The following ELFN1 variants were observed in gnomAD, a reference collection of about 807,000 sequenced individuals.
ELFN1 encodes extracellular leucine rich repeat and fibronectin type III domain containing 1, also known as protein ELFN1.
Under a neutral mutation model 7.6 loss-of-function variants are expected in ELFN1, and 6 were observed. That is an observed-to-expected ratio of 0.79 (90% CI 0.43 to 1.56). ELFN1 has a LOEUF of 1.56. Ranked by LOEUF, ELFN1 falls within the 40% of genes most tolerant of loss-of-function variation. The pLI is 0.01. For synonymous variants in ELFN1, 657 were observed against 588.1 expected (o/e 1.12, Z -1.70); for missense variants, 1,169 against 1,232.2 (o/e 0.95, Z 0.77).
intron 3 of ELFN1, among the ~76,000 whole-genome samples, chr7:1,737,509 G>A (rs969727313): frequency 1.3e-5 from 2 of 152,148 alleles, no homozygotes; most frequent in South Asian, 2.1e-4. Flanking sequence ...GAAGCCACTC[G>A]CCCTCCACCC....
At chr7:1,734,843 G>T (rs549136798) in intron 3 of ELFN1, among the ~76,000 whole-genome samples, 1 of 151,910 alleles carries the variant, frequency 6.6e-6, no homozygotes, top group Non-Finnish European at 1.5e-5. Context: ...GATCACAGGC[G>T]CACGCCACCA....
In ELFN1 at chr7:1,746,239, GCC is replaced by G; in HGVS notation, c.1644_1645del (p.Ser548ArgfsTer441). ...GAGCTGGGCCGGCCGGGCCCCGACAGCCAGAGTTCGGTGGCCGAGATCTCCAC... is the reference window on the plus strand; with the variant it reads ...GAGCTGGGCCGGCCGGGCCCCGACAGAGAGTTCGGTGGCCGAGATCTCCAC... On this transcript the variant is annotated frameshift_variant, in exon 4 of 4. Transcript: ENST00000424383. LOFTEE classifies it low-confidence loss of function (END_TRUNC). 6.9e-7 allele frequency: 1 copy of G among 1,440,034 alleles called. No homozygotes were observed. Among genetic ancestry groups the G allele is most frequent in the South Asian group, 1.5e-5 (1 of 68,228 alleles). 89.2% of individuals were successfully genotyped at this position (1,440,034 alleles called of 1,614,324 possible).
intron 2 of ELFN1, among the ~76,000 whole-genome samples, chr7:1,702,433 A>G (rs890376826): frequency 7.3e-5 from 11 of 150,802 alleles, no homozygotes; most frequent in South Asian, 2.1e-4. Context: ...GGGGGAAAAA[A>G]AAAAAGAAGA....
intron 3 of ELFN1, among the ~76,000 whole-genome samples, chr7:1,713,097 C>T (rs1779712097): frequency 6.6e-6 from 1 of 152,234 alleles, no homozygotes; most frequent in Non-Finnish European, 1.5e-5. Context: ...GTTCAGGCTC[C>T]TCCAGGCTCA....
At chr7:1,692,863 G>C (rs1779200043) in intron 2 of ELFN1, 1 of 176,656 alleles carries the variant, frequency 5.7e-6, no homozygotes. Context: ...TGGAATCAAA[G>C]GAGAGAAAGT....
chr7:1,713,495 TC>T (rs1779727755), intron 3 of ELFN1, among the ~76,000 whole-genome samples: 1 of 152,010 alleles, frequency 6.6e-6, no homozygotes, highest in South Asian at 2.1e-4. Flanking sequence ...CCCCTCCACT[TC>T]CTGTGTTCAA....
At chr7:1,701,092 C>T (rs116908709) in intron 2 of ELFN1, among the ~76,000 whole-genome samples, 2,842 of 149,924 alleles carry the variant, frequency 0.019, 45 homozygotes, top group Middle Eastern at 0.058. Flanking sequence ...TGTGTGTGCG[C>T]GTGTGTGTGC....
rs1186504027 is a variant in ELFN1 at position 1,745,529 on chromosome 7, G to A, written c.933G>A (p.Thr311=). 2.6e-6 allele frequency: 4 copies of A among 1,547,226 alleles called. No individual in the cohort carries two copies. The highest frequency in any genetic ancestry group is 1.4e-5 in the African/African-American group (1 of 73,176). ...TPLVALPTLA[T]QAEARPLIKV... is the part of the protein sequence containing the mutation. ...TGGTGGCCCTGCCCACGCTGGCCACGCAGGCCGAGGCCCGCCCCCTCATCA... is the reference window on the plus strand; with the variant it reads ...TGGTGGCCCTGCCCACGCTGGCCACACAGGCCGAGGCCCGCCCCCTCATCA... The change falls in exon 4 of 4, where the codon ACG becomes ACA. Residue 311 remains threonine, a synonymous_variant. Transcript: ENST00000424383.
chr7:1,710,197 T>G (rs556709885), intron 3 of ELFN1, among the ~76,000 whole-genome samples: 28 of 152,354 alleles, frequency 1.8e-4, no homozygotes, highest in African/African-American at 6.7e-4. Context: ...GTTGTATTCC[T>G]TATGTTCTGC....
At chr7:1,728,615 C>T (rs887819428) in intron 3 of ELFN1, among the ~76,000 whole-genome samples, 8 of 152,230 alleles carry the variant, frequency 5.3e-5, no homozygotes, top group South Asian at 4.1e-4. Flanking sequence ...CAAATCCCAC[C>T]GATGGCTTTT....
Position 1,746,848 on chromosome 7 carries a change from C to A in ELFN1, c.2252C>A (p.Ser751Ter). 6.5e-7 allele frequency: 1 copy of A among 1,537,650 alleles called. No homozygotes were observed. The highest frequency in any genetic ancestry group is 8.8e-7 in the Non-Finnish European group (1 of 1,141,144). ...TRPRPRDLAY[S>*]QLSPQYHSLS... ...CCGCGGCCCCGCGACCTCGCCTACT[C>A]GCAGCTGTCCCCGCAGTACCACAGC... Residue 751 changes from serine to a stop codon, truncating the protein, a stop_gained, in exon 4 of 4, where the codon TCG (serine) becomes TAG (stop). Coordinates refer to ENST00000424383, the MANE Select transcript of ELFN1 (RefSeq NM_001128636.4). LOFTEE classifies it high-confidence loss of function.
At chr7:1,700,716 T>C (rs1485761614) in intron 2 of ELFN1, among the ~76,000 whole-genome samples, 1 of 152,188 alleles carries the variant, frequency 6.6e-6, no homozygotes, top group Non-Finnish European at 1.5e-5. Context: ...CTTTGCACCC[T>C]CAGGACAGCG....
intron 1 of ELFN1, among the ~76,000 whole-genome samples, chr7:1,679,157 A>G (rs1416590699): frequency 4.6e-5 from 7 of 150,612 alleles, no homozygotes; most frequent in Non-Finnish European, 8.8e-5. Flanking sequence ...GCACACACAC[A>G]CGCGTGCACA....
rs1296071890 is a variant in ELFN1, at chr7:1,746,208, G to T, written c.1612G>T (p.Asp538Tyr). 2.6e-6 allele frequency: 4 copies of T among 1,555,068 alleles called. No homozygotes were observed. Among genetic ancestry groups the T allele is most frequent in the Non-Finnish European group, 1.7e-6 (2 of 1,150,700 alleles). The change falls in exon 4 of 4, where the codon GAC becomes TAC. Residue 538 changes from aspartate to tyrosine, a missense_variant. By Grantham distance (160) the Asp-to-Tyr change is radical. Around this residue, in one of 2 missense-constraint regions of ELFN1, gnomAD observed 914 missense variants for 872.6 expected, o/e 1.05. Transcript: ENST00000424383. ...VRTGDPPERRDCELGRPGPDS... is the reference protein window; with the variant it reads ...VRTGDPPERRYCELGRPGPDS... ...AACCGGGGACCCTCCGGAACGCAGG[G>T]ACTGTGAGCTGGGCCGGCCGGGCCC...
chr7:1,693,729 G>A (rs767068056), intron 2 of ELFN1: 7 of 470,818 alleles, frequency 1.5e-5, no homozygotes, highest in Admixed American at 4.7e-5. Context: ...CCTCCCGCTC[G>A]TCCCCATGGC....
chr7:1,706,678 C>T (rs1388628344), intron 2 of ELFN1, among the ~76,000 whole-genome samples: 1 of 152,200 alleles, frequency 6.6e-6, no homozygotes, highest in Non-Finnish European at 1.5e-5. Context: ...AATGCAAGGA[C>T]CACTGTGAGG....
rs1171973683 is a variant in ELFN1, at chr7:1,688,053, T to G, written c.-548-5T>G. Reference sequence around the variant, plus strand: ...CTAATTTTTTTTTTTTTTTTTTTTTTGTAGAGACAGAGTCTCCCTGTGTTG... The same window carrying G: ...CTAATTTTTTTTTTTTTTTTTTTTTGGTAGAGACAGAGTCTCCCTGTGTTG... On this transcript the variant is annotated splice_polypyrimidine_tract_variant and splice_region_variant and intron_variant, in intron 1 of 3. Transcript: ENST00000424383. The G allele has an allele frequency of 2.2e-5, 3 of 138,994 alleles. No homozygotes were observed. Among genetic ancestry groups the G allele is most frequent in the Non-Finnish European group, 3.1e-5 (2 of 65,298 alleles). 8.6% of individuals were successfully genotyped at this position (138,994 alleles called of 1,614,324 possible). A position where few individuals can be genotyped will look rare whatever the true frequency, so the allele number is the denominator to read the frequency against.
intron 2 of ELFN1, among the ~76,000 whole-genome samples, chr7:1,704,704 C>T (rs879629660): frequency 2.0e-5 from 3 of 152,074 alleles, no homozygotes; most frequent in Admixed American, 6.5e-5. Context: ...GTCACCCCTG[C>T]GAGGTCAGTG....
chr7:1,739,212 G>A lies in ELFN1; in HGVS notation c.-293-5092G>A, dbSNP rs890610275. On this transcript the variant is annotated intron_variant, in intron 3 of 3. Coordinates refer to ENST00000424383, the MANE Select transcript of ELFN1 (RefSeq NM_001128636.4). The surrounding 1 kb of genome is among the most constrained non-coding windows in gnomAD (Gnocchi z 4.6). ...GCGAGGCTCCCTCTGGCTGTGGAGG[G>A]AGAATGGATTGTGGGTGCCAGGAGA... 1 of 152,362 alleles carries A rather than the reference G, an allele frequency of 6.6e-6. No homozygotes were observed. Among genetic ancestry groups the A allele is most frequent in the Non-Finnish European group, 1.5e-5 (1 of 68,182 alleles). 9.4% of individuals were successfully genotyped at this position (152,362 alleles called of 1,614,324 possible). A position where few individuals can be genotyped will look rare whatever the true frequency, so the allele number is the denominator to read the frequency against.
Sources: gnomAD v4.1 joint callset for allele counts (sites outside exome capture counted in the v4.1 genomes callset) on GRCh38, gnomAD v4.1.1 for gene constraint, gnomAD v4.1.1 regional missense constraint, Gnocchi (gnomAD v3.1) non-coding constraint, MANE v1.5 for transcripts, NCBI Gene and HGNC (gene_info 2026-07-23, HGNC 2026-07-21) for gene names.